Variants in SDHAF3 observed in about 807,000 individuals in gnomAD.
The protein encoded by SDHAF3 is succinate dehydrogenase complex assembly factor 3.
SDHAF3 carries 18 observed loss-of-function variants against 11.5 expected under a neutral mutation model. The ratio of observed to expected loss-of-function variants is 1.56; its 90% CI spans 1.08 to 2.32. The LOEUF is 2.32. Among genes scored for constraint, SDHAF3 ranks in the 30% most tolerant of loss-of-function variants. The pLI, the probability that SDHAF3 is intolerant of heterozygous loss-of-function variation, is 0.00. For missense variants in SDHAF3, 200 were observed against 154.4 expected, an observed-to-expected ratio of 1.30 and a Z score of -1.57; for synonymous variants, 72 against 59.3, an observed-to-expected ratio of 1.21 and a Z score of -0.99.
intron 1 of SDHAF3, among the ~76,000 whole-genome samples, chr7:97,147,032 C>T (rs1378864677): frequency 4.0e-5 from 6 of 151,704 alleles, no homozygotes; most frequent in Admixed American, 3.3e-4. Context: ...TGAGCCACTG[C>T]GCCCGGCCAA....
At chr7:97,158,891 GT>G (rs1306740070) in intron 1 of SDHAF3, among the ~76,000 whole-genome samples, 1 of 152,124 alleles carries the variant, frequency 6.6e-6, no homozygotes, top group Admixed American at 6.5e-5. Context: ...AATTGTTACA[GT>G]GTAAGGCTCA....
intron 1 of SDHAF3, among the ~76,000 whole-genome samples, chr7:97,129,288 G>A (rs981379146): frequency 6.6e-6 from 1 of 152,116 alleles, no homozygotes; most frequent in Non-Finnish European, 1.5e-5. Context: ...TACCTACCTG[G>A]TGTTTGAGTT....
At chr7:97,148,665 T>C (rs1789171777) in intron 1 of SDHAF3, among the ~76,000 whole-genome samples, 1 of 152,224 alleles carries the variant, frequency 6.6e-6, no homozygotes, top group South Asian at 2.1e-4. Context: ...CTATCACTGA[T>C]ATAAAGCTAA....
At chr7:97,179,420 C>A (rs1789736042) in intron 1 of SDHAF3, among the ~76,000 whole-genome samples, 1 of 150,766 alleles carries the variant, frequency 6.6e-6, no homozygotes, top group South Asian at 2.1e-4. Context: ...TCTTTATTAT[C>A]ATCTGAGTAA....
intron 1 of SDHAF3, among the ~76,000 whole-genome samples, chr7:97,129,771 G>T (rs1428891364): frequency 1.3e-5 from 2 of 152,168 alleles, no homozygotes; most frequent in African/African-American, 4.8e-5. Flanking sequence ...ACCCAGGCTG[G>T]CAGGCTGCGC....
chr7:97,122,917 CT>C (rs59277904), intron 1 of SDHAF3, among the ~76,000 whole-genome samples: 60,206 of 146,846 alleles, frequency 0.41, 12,171 homozygotes, highest in East Asian at 0.49. Context: ...TTTTTCTTTT[CT>C]TTTTTTTTTT....
chr7:97,164,223 C>T (rs558923136), intron 1 of SDHAF3, among the ~76,000 whole-genome samples: 7 of 150,252 alleles, frequency 4.7e-5, no homozygotes, highest in Admixed American at 1.3e-4. Context: ...CAAGCCACCG[C>T]GCCTGGCCTC....
chr7:97,137,967 G>T (rs1343171618), intron 1 of SDHAF3, among the ~76,000 whole-genome samples: 4 of 148,174 alleles, frequency 2.7e-5, no homozygotes, highest in Admixed American at 6.8e-5. Flanking sequence ...CCATCTCCTG[G>T]GTCTGAGCAA....
Position 97,171,992 on chromosome 7 carries a change from T to A in SDHAF3, c.175-9020T>A, listed in dbSNP as rs186895135. ...GAGCTGTAATTTCCTTATCCCCAAA[T>A]TTTTCCTATAGCTATTCCTTCCTTT... On this transcript the variant is annotated intron_variant, in intron 1 of 1. Coordinates refer to ENST00000432641, the MANE Select transcript of SDHAF3 (RefSeq NM_020186.3). Among the ~76,000 whole-genome samples the A allele has an allele frequency of 3.9e-4, 60 of 152,242 alleles. No individual in the cohort carries two copies. The East Asian group carries it at 0.012, about 29-fold the overall frequency.
intron 1 of SDHAF3, among the ~76,000 whole-genome samples, chr7:97,147,793 C>G (rs36034021): frequency 0.011 from 1,683 of 152,296 alleles, 10 homozygotes; most frequent in Middle Eastern, 0.044. Flanking sequence ...CATGTACATT[C>G]CTCTCAAAGA....
chr7:97,130,229 G>A (rs1791646183), intron 1 of SDHAF3, among the ~76,000 whole-genome samples: 2 of 149,322 alleles, frequency 1.3e-5, no homozygotes, highest in Admixed American at 1.3e-4. Flanking sequence ...CCCACACAGT[G>A]CCACTGCACT....
At chr7:97,137,891 T>TTA (rs1788955088) in intron 1 of SDHAF3, among the ~76,000 whole-genome samples, 7 of 147,544 alleles carry the variant, frequency 4.7e-5, no homozygotes, top group African/African-American at 7.6e-5. Context: ...TTTTTTTTTT[T>TTA]AGATGGAGTT....
chr7:97,144,965 C>T (rs138036303), intron 1 of SDHAF3, among the ~76,000 whole-genome samples: 1 of 151,304 alleles, frequency 6.6e-6, no homozygotes, highest in Non-Finnish European at 1.5e-5. Context: ...TTTGTGTGAT[C>T]TGTGATTTCT....
chr7:97,158,508 A>G (rs1174837100), intron 1 of SDHAF3, among the ~76,000 whole-genome samples: 5 of 152,002 alleles, frequency 3.3e-5, no homozygotes, highest in African/African-American at 4.8e-5. Flanking sequence ...TGTATTTTTA[A>G]TAGAGACGGG....
At chr7:97,168,424 G>A (rs533410034) in intron 1 of SDHAF3, among the ~76,000 whole-genome samples, 2 of 152,282 alleles carry the variant, frequency 1.3e-5, no homozygotes, top group South Asian at 4.1e-4. Context: ...GAAAGATTGT[G>A]TTATATTTGT....
chr7:97,147,124 T>A (rs1789147958), intron 1 of SDHAF3, among the ~76,000 whole-genome samples: 1 of 152,238 alleles, frequency 6.6e-6, no homozygotes, highest in East Asian at 1.9e-4. Flanking sequence ...ATAAATTATC[T>A]GTATTTAGGA....
chr7:97,118,432 T>C (rs900118526), intron 1 of SDHAF3, among the ~76,000 whole-genome samples: 3 of 152,214 alleles, frequency 2.0e-5, no homozygotes, highest in African/African-American at 7.2e-5. Flanking sequence ...AGAAAAATGC[T>C]GGTGGCAGTT....
intron 1 of SDHAF3, among the ~76,000 whole-genome samples, chr7:97,158,657 T>C (rs1243419290): frequency 6.6e-6 from 1 of 152,074 alleles, no homozygotes; most frequent in Non-Finnish European, 1.5e-5. Context: ...TTCTTTGAAA[T>C]GGAAAGATGC....
chr7:97,123,550 A>G (rs1289696386), intron 1 of SDHAF3, among the ~76,000 whole-genome samples: 2 of 152,176 alleles, frequency 1.3e-5, no homozygotes, highest in Non-Finnish European at 2.9e-5. Flanking sequence ...TTCTGGTTCC[A>G]GATCCTTGAG....
Sources: gnomAD v4.1 joint callset for allele counts (sites outside exome capture counted in the v4.1 genomes callset) on GRCh38, gnomAD v4.1.1 for gene constraint, MANE v1.5 for transcripts, NCBI Gene and HGNC (gene_info 2026-07-23, HGNC 2026-07-21) for gene names.